TRMT2A: variants seen among roughly 807,000 people sequenced by gnomAD.
The protein encoded by TRMT2A is tRNA (uracil-5-)-methyltransferase homolog A.
In TRMT2A, 60 loss-of-function variants were observed where a neutral mutation model predicts 59.3. The ratio of observed to expected loss-of-function variants is 1.01; its 90% CI spans 0.82 to 1.26. The LOEUF is 1.26. Ranked by LOEUF, TRMT2A falls within the 50% of genes most tolerant of loss-of-function variation. TRMT2A has a pLI of 0.00. For missense variants in TRMT2A, 863 were observed against 845.2 expected (o/e 1.02, Z -0.26); for synonymous variants, 403 against 353.7 (o/e 1.14, Z -1.56).
At chr22:20,116,856 T>C in intron 1 of TRMT2A, 27 bp downstream of exon 1, 6 of 1,526,860 alleles carry the variant, frequency 3.9e-6, no homozygotes, top group Non-Finnish European at 5.4e-6. Flanking sequence ...CATCCCCGTC[T>C]CTACCCAGCG....
rs371764664 is a variant in TRMT2A at position 20,112,574 on chromosome 22, G to A, written c.1867C>T (p.Pro623Ser). The change falls in exon 12 of 12, where the codon CCC becomes TCC. Residue 623 changes from proline to serine, a missense_variant. Physicochemically the swap from Pro to Ser is moderately conservative, Grantham distance 74. Coordinates refer to ENST00000252136, the MANE Select transcript of TRMT2A (RefSeq NM_022727.6). The stretch of plus-strand genomic sequence containing the variant: ...AATGGGTCCTGGGCCTAGGATGAGG[G>A]GAAGGTCCCAGTTTCTTGTAGGGTG... ...DNTLQETGTF[P>S]SS The A allele has an allele frequency of 3.7e-6, 6 of 1,613,762 alleles. No homozygotes were observed. In the African/African-American group the frequency reaches 4.0e-5, roughly 11 times the overall value.
chr22:20,115,855 C>T (rs1336682379), intron 2 of TRMT2A, 75 bp from the exon 3 acceptor site: 5 of 1,476,466 alleles, frequency 3.4e-6, no homozygotes, highest in East Asian at 2.3e-5. Context: ...CCCAAATGTC[C>T]AGGCTCCTGA....
intron 7 of TRMT2A, 27 bp downstream of exon 7, chr22:20,114,547 C>T (rs1490797012): frequency 2.5e-6 from 4 of 1,586,570 alleles, no homozygotes; most frequent in Non-Finnish European, 3.5e-6. Context: ...CAACATGTCC[C>T]CATGCCCACC....
Position 20,113,710 on chromosome 22 carries a change from G to A in TRMT2A, c.1332C>T (p.Gly444=), listed in dbSNP as rs117767033. 452 of 1,603,190 alleles carry A rather than the reference G, an allele frequency of 2.8e-4. 2 individuals are homozygous for A. In the East Asian group the frequency reaches 1.0e-2, roughly 35 times the overall value. Residue 444 remains glycine (G), a synonymous_variant, in exon 8 of 12, where the codon GGC becomes GGT. Coordinates refer to ENST00000252136, the MANE Select transcript of TRMT2A (RefSeq NM_022727.6). ...CCCGGGCCAGGGCCAGGCCAATGGT[G>A]CCGGTGCCACAGCACACGTCCAGCA... is the stretch of plus-strand genomic sequence containing the variant. ...SMVLDVCCGT[G]TIGLALARKV...
chr22:20,113,072 A>T (rs1358046951), intron 10 of TRMT2A, 46 bp downstream of exon 10: 1 of 1,611,308 alleles, frequency 6.2e-7, no homozygotes, highest in African/African-American at 1.3e-5. Context: ...GAGCCACCCC[A>T]TGTGTCCTCG....
chr22:20,114,832 C>A lies in TRMT2A; in HGVS notation c.1050G>T (p.Ala350=). ...TGCCTGGCCCTGCTGTGAAGTGCTG[C>A]GCTAGGGAGGTCTTCAGCTCTGCCA... ...EELAELKTSL[A]QHFTAGPGRA... Residue 350 remains alanine, a synonymous_variant, in exon 6 of 12, where the codon GCG becomes GCT. Transcript: ENST00000252136. The A allele has an allele frequency of 6.2e-7, 1 of 1,607,128 alleles. No individual in the cohort carries two copies. Among genetic ancestry groups the A allele is most frequent in the Non-Finnish European group, 8.5e-7 (1 of 1,178,072 alleles).
At chr22:20,116,742 A>AC in intron 1 of TRMT2A, 130 bp from the exon 2 acceptor site, 1 of 1,360,748 alleles carries the variant, frequency 7.3e-7, no homozygotes, top group Admixed American at 2.2e-5. Flanking sequence ...CCCCCAGTCT[A>AC]CCCTCCCGAC....
Position 20,115,416 on chromosome 22 carries a change from A to G in TRMT2A, c.740T>C (p.Val247Ala), listed in dbSNP as rs2049979417. Reference sequence around the variant, plus strand: ...ATCCTCCCCATCCACCCCGACGCCAACCAGAAACTCACACTTATTACGATA... The same window carrying G: ...ATCCTCCCCATCCACCCCGACGCCAGCCAGAAACTCACACTTATTACGATA... ...TEYRNKCEFL[V>A]GVGVDGEDNT... Residue 247 changes from valine (V) to alanine (A), a missense_variant, in exon 4 of 12, where the codon GTT becomes GCT. Physicochemically the swap from Val to Ala is moderately conservative, Grantham distance 64 (BLOSUM62 0). Coordinates refer to ENST00000252136, the MANE Select transcript of TRMT2A (RefSeq NM_022727.6). The G allele has an allele frequency of 1.2e-6, 2 of 1,611,630 alleles. No homozygotes were observed. The highest frequency in any genetic ancestry group is 1.7e-6 in the Non-Finnish European group (2 of 1,179,494).
Position 20,113,815 on chromosome 22 carries a change from G to T in TRMT2A, c.1234-7C>A. 2 of 1,554,828 alleles carry T rather than the reference G, an allele frequency of 1.3e-6. No homozygotes were observed. ...CGGCTGCGGGTGTGTTCACCTGGGG[G>T]CAGGCGGTGCCCAGGATGTCAGTGG... On this transcript the variant is annotated splice_region_variant and splice_polypyrimidine_tract_variant and intron_variant, in intron 7 of 11. Transcript: ENST00000252136.
rs1472692888 is a variant in TRMT2A, at chr22:20,116,490, C to T, written c.147G>A (p.Ala49=). 1.2e-6 allele frequency: 2 copies of T among 1,612,674 alleles called. No homozygotes were observed. Among genetic ancestry groups the T allele is most frequent in the Non-Finnish European group, 1.7e-6 (2 of 1,179,944 alleles). The part of the protein sequence containing the change: ...LEEVEKEGAG[A]ATGPGPQPGL... Reference sequence around the variant, plus strand: ...CGGGCTGAGGCCCCGGCCCTGTAGCCGCCCCAGCGCCCTCTTTCTCCACCT... The same window carrying T: ...CGGGCTGAGGCCCCGGCCCTGTAGCTGCCCCAGCGCCCTCTTTCTCCACCT... Residue 49 remains alanine (A), a synonymous_variant, in exon 2 of 12, where the codon GCG becomes GCA. Transcript: ENST00000252136.
At position 20,117,002 on chromosome 22, in the gene TRMT2A, G is replaced by C; in HGVS notation, c.-96C>G. On this transcript the variant is annotated 5_prime_UTR_variant, in exon 1 of 12. Coordinates refer to ENST00000252136, the MANE Select transcript of TRMT2A (RefSeq NM_022727.6). ...CACAAGGGAAGTGGCCTGTCACAAGGGAAGTGCTCAGAGGGGAGGTGCTCA... is the reference window on the plus strand; with the variant it reads ...CACAAGGGAAGTGGCCTGTCACAAGCGAAGTGCTCAGAGGGGAGGTGCTCA... 3.3e-6 allele frequency: 5 copies of C among 1,500,666 alleles called. No individual in the cohort carries two copies. Among genetic ancestry groups the C allele is most frequent in the Non-Finnish European group, 4.5e-6 (5 of 1,103,262 alleles). 93.0% of individuals were successfully genotyped at this position (1,500,666 alleles called of 1,614,324 possible).
In TRMT2A at chr22:20,113,808, C is replaced by T; in HGVS notation, c.1234G>A (p.Val412Met). 1 of 1,563,346 alleles carries T rather than the reference C, an allele frequency of 6.4e-7. No individual in the cohort carries two copies. Among genetic ancestry groups the T allele is most frequent in the Non-Finnish European group, 8.7e-7 (1 of 1,153,400 alleles). ...FRISPHAFFQ[V>M]NTPAAEVLYT... is the part of the protein sequence containing the mutation. ...AGCACCTCGGCTGCGGGTGTGTTCA[C>T]CTGGGGGCAGGCGGTGCCCAGGATG... The change falls in exon 8 of 12, where the codon GTG becomes ATG. Residue 412 changes from valine to methionine, a missense_variant and splice_region_variant. Physicochemically the swap from Val to Met is conservative, Grantham distance 21 (BLOSUM62 1). Transcript: ENST00000252136.
chr22:20,113,407 C>G, intron 9 of TRMT2A, 25 bp downstream of exon 9: 1 of 1,549,982 alleles, frequency 6.5e-7, no homozygotes, highest in Non-Finnish European at 8.8e-7. Flanking sequence ...CCATCCCCAC[C>G]CCCACCCACG....
intron 3 of TRMT2A, 100 bp downstream of exon 3, chr22:20,115,572 A>G: frequency 6.4e-7 from 1 of 1,562,496 alleles, no homozygotes; most frequent in Non-Finnish European, 8.8e-7. Flanking sequence ...ATGTTACCAG[A>G]AGAAAACACA....
chr22:20,113,323 C>T (rs527613076), intron 9 of TRMT2A, 89 bp from the exon 10 acceptor site: 3 of 1,510,238 alleles, frequency 2.0e-6, no homozygotes, highest in East Asian at 2.3e-5. Flanking sequence ...AGAGCTTGCT[C>T]ACTTGCTCTA....
rs142126885 is a variant in TRMT2A at position 20,114,293 on chromosome 22, G to T, written c.1233+281C>A. The stretch of plus-strand genomic sequence containing the variant: ...TATTTCCCAGCCCAGAGGCCACCAT[G>T]GCCTCCCTCCTGCCGAGCCCAGAGC... On this transcript the variant is annotated intron_variant, in intron 7 of 11. Coordinates refer to ENST00000252136, the MANE Select transcript of TRMT2A (RefSeq NM_022727.6). Among the ~76,000 whole-genome samples the T allele has an allele frequency of 3.9e-5, 6 of 152,278 alleles. No homozygotes were observed. In the East Asian group the frequency reaches 1.2e-3, roughly 29 times the overall value.
Position 20,113,678 on chromosome 22 carries a change from G to A in TRMT2A, c.1356+8C>T, listed in dbSNP as rs1382462974. 3.1e-6 allele frequency: 5 copies of A among 1,593,106 alleles called. No homozygotes were observed. In the African/African-American group the frequency reaches 5.4e-5, roughly 17 times the overall value. On this transcript the variant is annotated splice_region_variant and intron_variant, in intron 8 of 11. Coordinates refer to ENST00000252136, the MANE Select transcript of TRMT2A (RefSeq NM_022727.6). ...AGAGGGTGCCCTCAGCAGGGCAGGA[G>A]GGCTCACCCGGGCCAGGGCCAGGCC...
At chr22:20,113,400 T>TGCCC in intron 9 of TRMT2A, 32 bp downstream of exon 9, 797 of 1,048,708 alleles carry the variant, frequency 7.6e-4, no homozygotes, top group Non-Finnish European at 1.1e-3. Flanking sequence ...GCTGCCCCCA[T>TGCCC]CCCCACCCCC....
chr22:20,116,846 C>CGAG, intron 1 of TRMT2A, 37 bp downstream of exon 1: 3 of 1,595,364 alleles, frequency 1.9e-6, no homozygotes, highest in East Asian at 4.5e-5. Context: ...CCTCCCACCC[C>CGAG]ATCCCCGTCT....
Sources: allele counts gnomAD v4.1 joint callset (sites outside exome capture counted in the v4.1 genomes callset), GRCh38; gene constraint gnomAD v4.1.1; transcripts MANE v1.5; gene names NCBI Gene and HGNC (gene_info 2026-07-23, HGNC 2026-07-21).